DAB1: variants seen among roughly 807,000 people sequenced by gnomAD.
The protein encoded by DAB1 is disabled homolog 1.
A neutral mutation model predicts 64.6 loss-of-function variants in DAB1; 15 were observed. The ratio of observed to expected loss-of-function variants is 0.23; its 90% CI spans 0.16 to 0.36. DAB1 has a LOEUF of 0.36. Among genes scored for constraint, DAB1 ranks in the 10% least tolerant of loss-of-function variants. The pLI is 1.00. For missense variants in DAB1, 596 were observed against 706.7 expected (o/e 0.84, Z 1.78); for synonymous variants, 235 against 251.9 (o/e 0.93, Z 0.64).
intron 3 of DAB1, among the ~76,000 whole-genome samples, chr1:58,375,719 C>T (rs1267272629): frequency 1.4e-5 from 2 of 141,088 alleles, no homozygotes; most frequent in Non-Finnish European, 3.2e-5. Flanking sequence ...GGAGGATTCC[C>T]TCTTTTTCTA....
At chr1:57,026,651 A>G (rs117610853) in intron 9 of DAB1, among the ~76,000 whole-genome samples, 1 of 152,186 alleles carries the variant, frequency 6.6e-6, no homozygotes, top group Non-Finnish European at 1.5e-5. Context: ...CATCTTTAGG[A>G]TAAAAAAATG....
intron 5 of DAB1, among the ~76,000 whole-genome samples, chr1:58,025,988 A>G (rs1646889427): frequency 6.6e-6 from 1 of 151,938 alleles, no homozygotes; most frequent in Non-Finnish European, 1.5e-5. Flanking sequence ...TCATCCTTCA[A>G]GTTTTAACTA....
intron 5 of DAB1, among the ~76,000 whole-genome samples, chr1:58,068,547 C>T (rs868740057): frequency 4.6e-5 from 7 of 152,022 alleles, no homozygotes; most frequent in Non-Finnish European, 5.9e-5. Context: ...GGGCGGATCA[C>T]GAGGTCAGGA....
rs1273089770 is a variant in DAB1, at chr1:58,124,518, A to G, written n.387+25993T>C. Among the ~76,000 whole-genome samples the G allele has an allele frequency of 9.9e-5, 15 of 152,168 alleles. No individual in the cohort carries two copies. In the East Asian group the frequency reaches 1.5e-3, roughly 16 times the overall value. Reference sequence around the variant, plus strand: ...TTTGCCAGGACACTGATCTACCTAAATAATATTTTGATATCTGCTTTTTTA... The same window carrying G: ...TTTGCCAGGACACTGATCTACCTAAGTAATATTTTGATATCTGCTTTTTTA... On this transcript the variant is annotated intron_variant and non_coding_transcript_variant, in intron 5 of 20. Coordinates refer to the DAB1 transcript ENST00000485760.
chr1:57,552,767 TTAGGATTC>T (rs1446050047), intron 7 of DAB1, among the ~76,000 whole-genome samples: 9 of 152,058 alleles, frequency 5.9e-5, no homozygotes, highest in African/African-American at 1.9e-4. Flanking sequence ...AGCAAGTACT[TTAGGATTC>T]TACACAGGGA....
At chr1:58,533,091 CAA>C (rs994178071) in intron 1 of DAB1, among the ~76,000 whole-genome samples, 20 of 152,102 alleles carry the variant, frequency 1.3e-4, no homozygotes, top group African/African-American at 4.8e-4. Flanking sequence ...CTAATGTAGA[CAA>C]AAGAGCCATT....
chr1:57,907,952 T>C (rs1171011780), intron 5 of DAB1, among the ~76,000 whole-genome samples: 1 of 151,188 alleles, frequency 6.6e-6, no homozygotes, highest in African/African-American at 2.4e-5. Context: ...CACATATATA[T>C]TTCACATGGA....
intron 1 of DAB1, among the ~76,000 whole-genome samples, chr1:57,831,019 T>C (rs911375170): frequency 6.6e-6 from 1 of 152,130 alleles, no homozygotes; most frequent in Non-Finnish European, 1.5e-5. Context: ...GTTCACACCA[T>C]TCTCCTGCCT....
intron 7 of DAB1, among the ~76,000 whole-genome samples, chr1:57,597,986 T>A (rs1025316776): frequency 6.6e-6 from 1 of 152,180 alleles, no homozygotes; most frequent in Non-Finnish European, 1.5e-5. Flanking sequence ...TTATTTTTAT[T>A]TATTTCTTTA....
At chr1:58,215,954 G>T (rs988577377) in intron 4 of DAB1, among the ~76,000 whole-genome samples, 22 of 152,108 alleles carry the variant, frequency 1.4e-4, no homozygotes, top group Admixed American at 1.4e-3. Context: ...ACCTGCTTCT[G>T]TTCCTCTGAA....
intron 5 of DAB1, among the ~76,000 whole-genome samples, chr1:57,897,320 T>C (rs759099864): frequency 1.3e-5 from 2 of 152,184 alleles, no homozygotes; most frequent in Non-Finnish European, 2.9e-5. Context: ...TGATGAACAG[T>C]TGTGGCACAG....
intron 1 of DAB1, among the ~76,000 whole-genome samples, chr1:57,378,171 G>A (rs1362228419): frequency 3.3e-5 from 5 of 152,146 alleles, no homozygotes; most frequent in East Asian, 1.9e-4. Flanking sequence ...AACAAAAGAC[G>A]TCCAGCTCAA....
chr1:57,636,653 G>C (rs917531617), intron 7 of DAB1, among the ~76,000 whole-genome samples: 1 of 152,200 alleles, frequency 6.6e-6, no homozygotes, highest in African/African-American at 2.4e-5. Flanking sequence ...GTGAGATATG[G>C]GGTGTACAAA....
At position 58,131,901 on chromosome 1, in the gene DAB1, C is replaced by G. The variant is rs768522765; in HGVS notation, n.387+18610G>C. ...ACATTTAAGTCTGCAGAGGTTACTG[C>G]TGTCTTTTTGTTTGTTTGTGCCCTG... On this transcript the variant is annotated intron_variant and non_coding_transcript_variant, in intron 5 of 20. Transcript: ENST00000485760. Among the ~76,000 whole-genome samples the G allele has an allele frequency of 7.2e-4, 109 of 150,476 alleles. 3 individuals carry two copies. The highest frequency in any genetic ancestry group is 3.4e-3 in the Middle Eastern group (1 of 294).
chr1:58,050,778 C>G (rs1345122108), intron 5 of DAB1, among the ~76,000 whole-genome samples: 1 of 152,166 alleles, frequency 6.6e-6, no homozygotes, highest in Non-Finnish European at 1.5e-5. Flanking sequence ...ATCCGCCCGC[C>G]TCGGCCTCCC....
At chr1:57,606,710 ATG>A (rs1162921991) in intron 7 of DAB1, among the ~76,000 whole-genome samples, 4 of 132,610 alleles carry the variant, frequency 3.0e-5, no homozygotes, top group Non-Finnish European at 4.6e-5. Flanking sequence ...TGAAATATAT[ATG>A]TATGAAATAT....
rs148547306 is a variant in DAB1 at position 57,787,159 on chromosome 1, G to A, written n.551+96840C>T. ...AGATATTTAAAAAAATAAATTGTCCGGCTAATTATAAAATGTATATAAAAA... is the reference window on the plus strand; with the variant it reads ...AGATATTTAAAAAAATAAATTGTCCAGCTAATTATAAAATGTATATAAAAA... On this transcript the variant is annotated intron_variant and non_coding_transcript_variant, in intron 6 of 20. Transcript: ENST00000485760. 4.0e-3 allele frequency among the ~76,000 whole-genome samples: 601 copies of A among 151,996 alleles called. 15 individuals are homozygous for A. Among genetic ancestry groups the A allele is most frequent in the East Asian group, 2.3e-3 (12 of 5,178 alleles).
chr1:57,214,447 TAC>T (rs1399665198), intron 2 of DAB1, among the ~76,000 whole-genome samples: 1 of 152,224 alleles, frequency 6.6e-6, no homozygotes, highest in Non-Finnish European at 1.5e-5. Context: ...TCTGTCACAC[TAC>T]AGTTACCTAA....
chr1:57,229,644 G>GCAACAAT (rs1433499336), intron 2 of DAB1, among the ~76,000 whole-genome samples: 1 of 152,096 alleles, frequency 6.6e-6, no homozygotes, highest in African/African-American at 2.4e-5. Context: ...TAATTAAAAA[G>GCAACAAT]CAACAATAAA....
Sources: allele counts gnomAD v4.1 joint callset (sites outside exome capture counted in the v4.1 genomes callset), GRCh38; gene constraint gnomAD v4.1.1; transcripts MANE v1.5; gene names NCBI Gene and HGNC (gene_info 2026-07-23, HGNC 2026-07-21).